The following HS3ST4 variants were observed in gnomAD, a reference collection of about 807,000 sequenced individuals.
HS3ST4 encodes heparan sulfate glucosamine 3-O-sulfotransferase 4.
A neutral mutation model predicts 29.2 loss-of-function variants in HS3ST4; 17 were observed. The ratio of observed to expected loss-of-function variants is 0.58; its 90% CI spans 0.40 to 0.87. The LOEUF (loss-of-function observed/expected upper bound fraction) is 0.87. Ranked by LOEUF, HS3ST4 falls within the 40% of genes least tolerant of loss-of-function variation. The probability of loss-of-function intolerance (pLI) is 0.00; values close to 1 mark genes in which losing one functional copy is unlikely to be tolerated. For missense variants in HS3ST4, 627 were observed against 634.5 expected (o/e 0.99, Z 0.13); for synonymous variants, 314 against 285.7 (o/e 1.10, Z -1.00).
At chr16:25,856,929 AT>A (rs1967579056) in intron 1 of HS3ST4, among the ~76,000 whole-genome samples, 1 of 152,256 alleles carries the variant, frequency 6.6e-6, no homozygotes, top group Non-Finnish European at 1.5e-5. Flanking sequence ...GAACTCCTGA[AT>A]TCATAGTTGG....
chr16:26,091,907 G>A (rs1451079522), intron 1 of HS3ST4, among the ~76,000 whole-genome samples: 2 of 152,124 alleles, frequency 1.3e-5, no homozygotes, highest in Admixed American at 1.3e-4. Flanking sequence ...TATTAGTGTG[G>A]GGGCACAGCT....
At position 26,119,910 on chromosome 16, in the gene HS3ST4, T is replaced by G. The variant is rs558412051; in HGVS notation, c.735-15702T>G. ...GGTAATTTCAGATAACAGCAAGCCG[T>G]AGGAAATGATCAGAAAAGGCTGATG... On this transcript the variant is annotated intron_variant, in intron 1 of 1. Coordinates refer to ENST00000331351, the MANE Select transcript of HS3ST4 (RefSeq NM_006040.3). Among the ~76,000 whole-genome samples, 478 of 152,154 alleles carry G rather than the reference T, an allele frequency of 3.1e-3. 3 individuals carry two copies. The highest frequency in any genetic ancestry group is 0.01 in the African/African-American group (423 of 41,480).
In HS3ST4 at chr16:25,715,347, C is replaced by CA. The variant is rs57882177; in HGVS notation, c.734+22210dup. On this transcript the variant is annotated intron_variant, in intron 1 of 1. Coordinates refer to ENST00000331351, the MANE Select transcript of HS3ST4 (RefSeq NM_006040.3). The stretch of plus-strand genomic sequence containing the variant: ...CCGTCTCAAAAAAAAAAAAAAAAAC[C>CA]AAAAAAAAAAAAAACTCAGCGCCTT... 3.0e-3 allele frequency among the ~76,000 whole-genome samples: 390 copies of CA among 127,872 alleles called. 1 individual carries two copies. The highest frequency in any genetic ancestry group is 0.011 in the African/African-American group (371 of 34,594). 83.9% of individuals were successfully genotyped at this position (127,872 alleles called of 152,430 possible).
intron 1 of HS3ST4, among the ~76,000 whole-genome samples, chr16:25,816,184 G>A (rs370742454): frequency 9.2e-5 from 14 of 152,244 alleles, no homozygotes; most frequent in African/African-American, 3.1e-4. Context: ...GCTTTGCAGG[G>A]CATGGTGCCT....
intron 1 of HS3ST4, among the ~76,000 whole-genome samples, chr16:25,906,213 G>A (rs985511574): frequency 5.3e-5 from 8 of 152,148 alleles, no homozygotes; most frequent in Admixed American, 1.3e-4. Flanking sequence ...CCTTCTCTTT[G>A]TGGGAGGCAG....
intron 1 of HS3ST4, among the ~76,000 whole-genome samples, chr16:25,887,865 T>C (rs1967970873): frequency 1.3e-5 from 2 of 151,688 alleles, no homozygotes; most frequent in African/African-American, 4.8e-5. Context: ...GCCCAGCTAG[T>C]TTTTTGTATT....
intron 1 of HS3ST4, among the ~76,000 whole-genome samples, chr16:25,804,401 A>G (rs963362561): frequency 6.6e-6 from 1 of 152,168 alleles, no homozygotes; most frequent in Non-Finnish European, 1.5e-5. Flanking sequence ...TAATGTTTTA[A>G]TCCCATAAGT....
chr16:26,038,108 G>A (rs1969600736), intron 1 of HS3ST4, among the ~76,000 whole-genome samples: 1 of 152,094 alleles, frequency 6.6e-6, no homozygotes, highest in Non-Finnish European at 1.5e-5. Flanking sequence ...CTCTCCTGTG[G>A]CTTCCTCTGC....
At chr16:25,846,881 A>G (rs2141647606) in intron 1 of HS3ST4, among the ~76,000 whole-genome samples, 1 of 152,180 alleles carries the variant, frequency 6.6e-6, no homozygotes, top group South Asian at 2.1e-4. Flanking sequence ...TTTTGGTACT[A>G]TCTGTTGTGT....
chr16:25,812,976 T>C (rs1198675520), intron 1 of HS3ST4, among the ~76,000 whole-genome samples: 1 of 152,294 alleles, frequency 6.6e-6, no homozygotes, highest in Non-Finnish European at 1.5e-5. Flanking sequence ...TGAAAACTCC[T>C]GGAGGTAGGT....
chr16:26,070,397 C>T (rs1311221017), intron 1 of HS3ST4, among the ~76,000 whole-genome samples: 1 of 152,134 alleles, frequency 6.6e-6, no homozygotes, highest in Non-Finnish European at 1.5e-5. Flanking sequence ...GTGGCCAGCT[C>T]CCAGCTGCAG....
Position 26,123,027 on chromosome 16 carries a change from C to T in HS3ST4, c.735-12585C>T, listed in dbSNP as rs1037287295. ...TGAGATCGCGCCACTGCACCCCAGC[C>T]TGGGTGATAGAGTGAGACTCTGTCT... On this transcript the variant is annotated intron_variant, in intron 1 of 1. Transcript: ENST00000331351. 2.7e-5 allele frequency among the ~76,000 whole-genome samples: 4 copies of T among 150,758 alleles called. 1 individual carries two copies. The South Asian group carries it at 8.4e-4, about 32-fold the overall frequency.
intron 1 of HS3ST4, among the ~76,000 whole-genome samples, chr16:26,108,921 G>A (rs766402993): frequency 2.6e-5 from 4 of 152,064 alleles, no homozygotes; most frequent in Non-Finnish European, 5.9e-5. Context: ...AGCCTAATGG[G>A]TCCTGGCCTG....
intron 1 of HS3ST4, among the ~76,000 whole-genome samples, chr16:25,897,863 C>T (rs1469545815): frequency 1.3e-5 from 2 of 152,150 alleles, no homozygotes; most frequent in Non-Finnish European, 2.9e-5. Context: ...TCCCCCCGCC[C>T]CCTTTCTCAT....
chr16:25,766,262 A>G (rs896368319), intron 1 of HS3ST4, among the ~76,000 whole-genome samples: 7 of 152,062 alleles, frequency 4.6e-5, no homozygotes, highest in African/African-American at 7.2e-5. Flanking sequence ...CGTCTCCCCA[A>G]TCTCCTGGCA....
At chr16:26,015,613 C>T (rs1360136237) in intron 1 of HS3ST4, among the ~76,000 whole-genome samples, 1 of 152,214 alleles carries the variant, frequency 6.6e-6, no homozygotes, top group Non-Finnish European at 1.5e-5. Context: ...AGTCAAAGCT[C>T]CAGCCCTCTG....
intron 1 of HS3ST4, among the ~76,000 whole-genome samples, chr16:25,924,272 A>T (rs1274998183): frequency 6.6e-6 from 1 of 152,168 alleles, no homozygotes; most frequent in African/African-American, 2.4e-5. Context: ...ATATCTCTTT[A>T]ATCTATTAGC....
intron 1 of HS3ST4, among the ~76,000 whole-genome samples, chr16:25,963,625 A>T (rs556640622): frequency 2.0e-5 from 3 of 152,354 alleles, no homozygotes; most frequent in African/African-American, 7.2e-5. Flanking sequence ...AAGGCATTTC[A>T]TCAGCATTTT....
rs552738776 is a variant in HS3ST4, at chr16:25,903,649, G to A, written c.734+210498G>A. Among the ~76,000 whole-genome samples, 226 of 152,112 alleles carry A rather than the reference G, an allele frequency of 1.5e-3. 2 individuals carry two copies. The South Asian group carries it at 0.016, about 10-fold the overall frequency. On this transcript the variant is annotated intron_variant, in intron 1 of 1. Transcript: ENST00000331351. Reference sequence around the variant, plus strand: ...TACCTCTTCTTTCTTCCTTATGCCTGTCACTCTATACTCTCATTTCTGTTC... The same window carrying A: ...TACCTCTTCTTTCTTCCTTATGCCTATCACTCTATACTCTCATTTCTGTTC...
Sources: gnomAD v4.1 joint callset for allele counts (sites outside exome capture counted in the v4.1 genomes callset) on GRCh38, gnomAD v4.1.1 for gene constraint, MANE v1.5 for transcripts, NCBI Gene and HGNC (gene_info 2026-07-23, HGNC 2026-07-21) for gene names.